OXR1: variants seen among roughly 807,000 people sequenced by gnomAD.
The protein encoded by OXR1 is oxidation resistance 1.
OXR1 carries 41 observed loss-of-function variants against 104.6 expected under a neutral mutation model. The ratio of observed to expected loss-of-function variants is 0.39; its 90% confidence interval spans 0.31 to 0.51. OXR1 has a LOEUF of 0.51. OXR1 is among the 20% of genes least tolerant of loss of function. The pLI is 0.77. For synonymous variants in OXR1, 348 were observed against 348.4 expected (o/e 1.00, Z 0.01); for missense variants, 955 against 1,031.9 (o/e 0.93, Z 1.02).
chr8:106,288,785 G>A (rs190016356), intron 1 of OXR1, among the ~76,000 whole-genome samples: 5 of 148,892 alleles, frequency 3.4e-5, no homozygotes, highest in African/African-American at 7.4e-5. Context: ...AAATATATAT[G>A]TGTACATATA....
At chr8:106,630,608 A>T (rs577633661) in intron 3 of OXR1, among the ~76,000 whole-genome samples, 2 of 152,346 alleles carry the variant, frequency 1.3e-5, no homozygotes, top group East Asian at 3.9e-4. Flanking sequence ...TGATAAAATT[A>T]TCTGGAAGGG....
intron 2 of OXR1, among the ~76,000 whole-genome samples, chr8:106,482,047 C>CA: frequency 6.6e-6 from 1 of 152,026 alleles, no homozygotes; most frequent in Non-Finnish European, 1.5e-5. Flanking sequence ...ATTCATTAAA[C>CA]AGACATTTAT....
chr8:106,685,694 A>T (rs536256888), intron 6 of OXR1, among the ~76,000 whole-genome samples: 5 of 150,306 alleles, frequency 3.3e-5, no homozygotes, highest in Non-Finnish European at 3.0e-5. Context: ...CCTGGGATAG[A>T]TTAAAAAAAA....
At chr8:106,407,188 G>A (rs1354594040) in intron 2 of OXR1, among the ~76,000 whole-genome samples, 1 of 152,124 alleles carries the variant, frequency 6.6e-6, no homozygotes, top group Non-Finnish European at 1.5e-5. Context: ...ACTTATGTAT[G>A]TACATCTGTG....
rs1488185668 is a variant in OXR1 at position 106,382,997 on chromosome 8, T to C, written c.23+23361T>C. On this transcript the variant is annotated intron_variant, in intron 2 of 16. Coordinates refer to ENST00000517566, the MANE Select transcript of OXR1 (RefSeq NM_001198533.2). ...GGGTGGAAGAGTACTTTTTCTTTTT[T>C]TTTTTGTAACCCTGGGTGCCTGGAA... Among the ~76,000 whole-genome samples, 7 of 151,976 alleles carry C rather than the reference T, an allele frequency of 4.6e-5. No individual in the cohort carries two copies. In the East Asian group the frequency reaches 1.2e-3, roughly 25 times the overall value.
chr8:106,695,654 G>A (rs937645045), intron 7 of OXR1, among the ~76,000 whole-genome samples: 1 of 151,948 alleles, frequency 6.6e-6, no homozygotes, highest in African/African-American at 2.4e-5. Flanking sequence ...TGCTGACCTC[G>A]TGATCCGCCT....
At chr8:106,745,886 A>G (rs1212314712) in intron 16 of OXR1, 24 bp downstream of exon 16, 9 of 1,347,808 alleles carry the variant, frequency 6.7e-6, no homozygotes, top group African/African-American at 1.5e-5. Context: ...ACATTTCACT[A>G]TGAGATTTTT....
At chr8:106,647,935 G>A (rs1824222486) in intron 3 of OXR1, among the ~76,000 whole-genome samples, 1 of 152,170 alleles carries the variant, frequency 6.6e-6, no homozygotes, top group Admixed American at 6.5e-5. Flanking sequence ...TGAGAACACA[G>A]CTCTCACTTT....
At chr8:106,285,364 T>A (rs1417755049) in intron 1 of OXR1, among the ~76,000 whole-genome samples, 1 of 152,202 alleles carries the variant, frequency 6.6e-6, no homozygotes, top group Non-Finnish European at 1.5e-5. Context: ...TGGGCAGCTC[T>A]GCCTCATTTT....
At chr8:106,655,646 C>G (rs1824990091) in intron 3 of OXR1, among the ~76,000 whole-genome samples, 1 of 152,002 alleles carries the variant, frequency 6.6e-6, no homozygotes, top group East Asian at 1.9e-4. Flanking sequence ...ATGTAGAAGG[C>G]AAAGTAACAT....
At chr8:106,312,754 C>A (rs960651912) in intron 1 of OXR1, among the ~76,000 whole-genome samples, 2 of 152,276 alleles carry the variant, frequency 1.3e-5, no homozygotes, top group Admixed American at 6.5e-5. Context: ...TAAATTAAAA[C>A]CCCAACTTGT....
At chr8:106,552,543 A>G (rs1214923861) in intron 3 of OXR1, among the ~76,000 whole-genome samples, 1 of 152,178 alleles carries the variant, frequency 6.6e-6, no homozygotes, top group East Asian at 1.9e-4. Context: ...CTTTAGAGAC[A>G]TTAAACCTTA....
intron 3 of OXR1, among the ~76,000 whole-genome samples, chr8:106,535,972 A>G (rs978682841): frequency 3.3e-5 from 5 of 152,178 alleles, no homozygotes; most frequent in East Asian, 3.9e-4. Context: ...TGTAATCCCA[A>G]CACTTTGGGA....
chr8:106,649,022 T>A (rs903265256), intron 3 of OXR1, among the ~76,000 whole-genome samples: 1 of 152,104 alleles, frequency 6.6e-6, no homozygotes, highest in Admixed American at 6.6e-5. Context: ...CTGGGCAACA[T>A]GGCAAAACCC....
intron 3 of OXR1, among the ~76,000 whole-genome samples, chr8:106,580,752 CATT>C (rs1818168565): frequency 6.6e-6 from 1 of 151,948 alleles, no homozygotes; most frequent in Non-Finnish European, 1.5e-5. Flanking sequence ...GTCTGTAAAA[CATT>C]ATATCTTTTT....
chr8:106,652,185 C>T (rs1824637924), intron 3 of OXR1, among the ~76,000 whole-genome samples: 1 of 152,058 alleles, frequency 6.6e-6, no homozygotes, highest in Non-Finnish European at 1.5e-5. Context: ...GAAATAGGGA[C>T]TCTCTATCTT....
At chr8:106,281,970 T>C (rs560647709) in intron 1 of OXR1, among the ~76,000 whole-genome samples, 2 of 152,158 alleles carry the variant, frequency 1.3e-5, no homozygotes, top group African/African-American at 4.8e-5. Context: ...AAAATACTAC[T>C]GATTTATATG....
At chr8:106,442,261 G>T (rs1383619245) in intron 2 of OXR1, among the ~76,000 whole-genome samples, 2 of 152,166 alleles carry the variant, frequency 1.3e-5, no homozygotes, top group Non-Finnish European at 2.9e-5. Flanking sequence ...TAGGGATGAA[G>T]CCAAGACTTG....
At chr8:106,508,662 C>CATCAATA (rs1401381628) in intron 2 of OXR1, among the ~76,000 whole-genome samples, 1 of 152,184 alleles carries the variant, frequency 6.6e-6, no homozygotes. Flanking sequence ...GTTTTATATT[C>CATCAATA]ATCAATAGGA....
Sources: gnomAD v4.1 joint callset for allele counts (sites outside exome capture counted in the v4.1 genomes callset) on GRCh38, gnomAD v4.1.1 for gene constraint, MANE v1.5 for transcripts, NCBI Gene and HGNC (gene_info 2026-07-23, HGNC 2026-07-21) for gene names.